HSPBAP1: variants seen among roughly 807,000 people sequenced by gnomAD.
The protein encoded by HSPBAP1 is HSPB1-associated protein 1.
HSPBAP1 carries 27 observed loss-of-function variants against 45.2 expected under a neutral mutation model. The ratio of observed to expected loss-of-function variants is 0.60; its 90% confidence interval spans 0.44 to 0.82. The LOEUF (loss-of-function observed/expected upper bound fraction) is 0.82. Ranked by LOEUF, HSPBAP1 falls within the 40% of genes least tolerant of loss-of-function variation. The pLI, the probability that HSPBAP1 is intolerant of heterozygous loss-of-function variation, is 0.00. For synonymous variants in HSPBAP1, 204 were observed against 202.7 expected (o/e 1.01, Z -0.06); for missense variants, 510 against 590.9 (o/e 0.86, Z 1.42).
chr3:122,781,108 C>G (rs1418004855), intron 1 of HSPBAP1, among the ~76,000 whole-genome samples: 2 of 145,460 alleles, frequency 1.4e-5, no homozygotes, highest in African/African-American at 5.2e-5. Flanking sequence ...ACATCCCAGA[C>G]GATGGGCGGC....
intron 6 of HSPBAP1, among the ~76,000 whole-genome samples, chr3:122,745,059 C>A (rs576473797): frequency 6.6e-6 from 1 of 152,098 alleles, no homozygotes; most frequent in East Asian, 1.9e-4. Context: ...AAAACACATA[C>A]AACTCAGCCG....
intron 2 of HSPBAP1, among the ~76,000 whole-genome samples, chr3:122,774,648 G>T (rs1935125425): frequency 6.6e-6 from 1 of 152,208 alleles, no homozygotes; most frequent in Admixed American, 6.5e-5. Context: ...TGTGGGAAGG[G>T]AGGGCAAGGG....
At chr3:122,746,907 G>C (rs935151030) in intron 6 of HSPBAP1, among the ~76,000 whole-genome samples, 15 of 151,830 alleles carry the variant, frequency 9.9e-5, no homozygotes, top group African/African-American at 1.7e-4. Context: ...TGCCAGCCTC[G>C]GCCTCCCGAG....
intron 2 of HSPBAP1, among the ~76,000 whole-genome samples, chr3:122,772,014 T>G (rs1935018220): frequency 6.6e-6 from 1 of 152,192 alleles, no homozygotes. Context: ...CAGAAACAAC[T>G]GGCTTTTCTC....
chr3:122,777,728 C>A lies in HSPBAP1; in HGVS notation c.243G>T (p.Met81Ile). Reference sequence around the variant, plus strand: ...GATTACCTATAGTCATACCTGTGCTCATGCTTTTCATCCCCATTCTGAATC... The same window carrying A: ...GATTACCTATAGTCATACCTGTGCTAATGCTTTTCATCCCCATTCTGAATC... ...QIRFRMGMKS[M>I]STVPQFETTC... Residue 81 changes from methionine (M) to isoleucine (I), a missense_variant, in exon 2 of 8, where the codon ATG becomes ATT. Transcript: ENST00000306103. 1 of 1,612,740 alleles carries A rather than the reference C, an allele frequency of 6.2e-7. No individual in the cohort carries two copies. Among genetic ancestry groups the A allele is most frequent in the Non-Finnish European group, 8.5e-7 (1 of 1,178,910 alleles).
chr3:122,768,762 C>A lies in HSPBAP1; in HGVS notation c.371G>T (p.Trp124Leu), dbSNP rs1412829819. 5.6e-6 allele frequency: 9 copies of A among 1,612,940 alleles called. No individual in the cohort carries two copies. Among genetic ancestry groups the A allele is most frequent in the Non-Finnish European group, 6.8e-6 (8 of 1,179,000 alleles). ...PFRDYDHSKF[W>L]AYADYKYFVS... ...AAAATATTTATAGTCAGCATAAGCC[C>A]AGAACTTGGAATGGTCATAATCTCT... is the stretch of plus-strand genomic sequence containing the variant. The change falls in exon 3 of 8, where the codon TGG (tryptophan) becomes TTG (leucine). Residue 124 changes from tryptophan to leucine, a missense_variant. Physicochemically the swap from Trp to Leu is moderately conservative, Grantham distance 61. Transcript: ENST00000306103.
intron 2 of HSPBAP1, among the ~76,000 whole-genome samples, chr3:122,774,888 A>G (rs886863558): frequency 3.3e-5 from 5 of 152,250 alleles, no homozygotes; most frequent in Non-Finnish European, 7.3e-5. Flanking sequence ...GATAATGCTC[A>G]TATCCTTTGA....
chr3:122,767,593 T>A (rs530295715), intron 3 of HSPBAP1, among the ~76,000 whole-genome samples: 1 of 151,576 alleles, frequency 6.6e-6, no homozygotes, highest in Non-Finnish European at 1.5e-5. Context: ...AAAAAACAAC[T>A]ATGGGGCAAG....
chr3:122,780,425 G>C (rs1336602370), intron 1 of HSPBAP1, among the ~76,000 whole-genome samples: 9 of 126,678 alleles, frequency 7.1e-5, no homozygotes, highest in Admixed American at 1.6e-4. Flanking sequence ...TGGCCGGGCA[G>C]AGGGGCTCCT....
chr3:122,789,627 A>G (rs1007073289), intron 1 of HSPBAP1, among the ~76,000 whole-genome samples: 3 of 152,200 alleles, frequency 2.0e-5, no homozygotes, highest in African/African-American at 7.2e-5. Flanking sequence ...TGCTAAACAA[A>G]TGTTTCTTTC....
At chr3:122,787,024 A>G (rs958526801) in intron 1 of HSPBAP1, among the ~76,000 whole-genome samples, 2 of 152,220 alleles carry the variant, frequency 1.3e-5, no homozygotes, top group Non-Finnish European at 2.9e-5. Flanking sequence ...AAGAGCTATA[A>G]AAATTCTGAA....
chr3:122,746,280 A>AG (rs1480486252), intron 6 of HSPBAP1, among the ~76,000 whole-genome samples: 1 of 46,488 alleles, frequency 2.2e-5, no homozygotes, highest in African/African-American at 6.1e-5. Context: ...AATATGGATC[A>AG]AAAAAAAAAT....
chr3:122,779,074 G>C (rs1043178088), intron 1 of HSPBAP1, among the ~76,000 whole-genome samples: 1 of 149,822 alleles, frequency 6.7e-6, no homozygotes, highest in African/African-American at 2.5e-5. Flanking sequence ...TCGCTCTGTC[G>C]CTCTGTTGCC....
chr3:122,746,693 CT>C lies in HSPBAP1; in HGVS notation c.826-5581del, dbSNP rs768488738. ...CTCCCTCTCTTTCCACGGTCTCCCT[CT>C]GATGCCGAGCCGAAGCTGGACTGTA... On this transcript the variant is annotated intron_variant, in intron 6 of 7. Transcript: ENST00000306103. Among the ~76,000 whole-genome samples, 97 of 151,896 alleles carry C rather than the reference CT, an allele frequency of 6.4e-4. 1 individual carries two copies. Among genetic ancestry groups the C allele is most frequent in the Admixed American group, 2.5e-3 (38 of 15,280 alleles).
At chr3:122,745,006 A>G (rs1443535961) in intron 6 of HSPBAP1, among the ~76,000 whole-genome samples, 1 of 152,132 alleles carries the variant, frequency 6.6e-6, no homozygotes, top group Non-Finnish European at 1.5e-5. Context: ...TTTGAAAAAA[A>G]CAAAAAGTAA....
At chr3:122,768,939 GTT>G in intron 2 of HSPBAP1, 57 bp from the exon 3 acceptor site, 1 of 1,012,482 alleles carries the variant, frequency 9.9e-7, no homozygotes, top group Non-Finnish European at 1.4e-6. Context: ...CCTAATTATT[GTT>G]TTTTTTTTAA....
intron 6 of HSPBAP1, among the ~76,000 whole-genome samples, chr3:122,743,340 C>T (rs1207767547): frequency 3.9e-5 from 6 of 152,096 alleles, no homozygotes; most frequent in Admixed American, 6.5e-5. Flanking sequence ...GAGGCCAAGG[C>T]GGGTGGATCA....
chr3:122,786,953 C>T (rs187582361), intron 1 of HSPBAP1, among the ~76,000 whole-genome samples: 2 of 152,034 alleles, frequency 1.3e-5, no homozygotes, highest in African/African-American at 4.8e-5. Context: ...GCAATGCTAC[C>T]CTGTATTAGT....
intron 6 of HSPBAP1, among the ~76,000 whole-genome samples, chr3:122,750,393 C>T (rs1351503401): frequency 6.6e-6 from 1 of 152,138 alleles, no homozygotes; most frequent in African/African-American, 2.4e-5. Flanking sequence ...GTTCATAAGT[C>T]TGATGATTGG....
Sources: allele counts gnomAD v4.1 joint callset (sites outside exome capture counted in the v4.1 genomes callset), GRCh38; gene constraint gnomAD v4.1.1; transcripts MANE v1.5; gene names NCBI Gene and HGNC (gene_info 2026-07-23, HGNC 2026-07-21).